The following KDM6A variants were observed in gnomAD, a reference collection of about 807,000 sequenced individuals.
The protein encoded by KDM6A is lysine demethylase 6A.
KDM6A carries 11 observed loss-of-function variants against 117.6 expected under a neutral mutation model. The ratio of observed to expected loss-of-function variants is 0.09; its 90% CI spans 0.06 to 0.15. The LOEUF is 0.15. KDM6A is among the 10% of genes least tolerant of loss of function. The probability of loss-of-function intolerance (pLI) is 1.00; values close to 1 mark genes in which losing one functional copy is unlikely to be tolerated. For missense variants in KDM6A, 799 were observed against 1,077.3 expected, an observed-to-expected ratio of 0.74 and a Z score of 3.62; for synonymous variants, 384 against 396.1, an observed-to-expected ratio of 0.97 and a Z score of 0.36.
intron 20 of KDM6A, 107 bp downstream of exon 20, chrX:45,078,612 TTC>T: frequency 1.5e-6 from 1 of 657,522 alleles, no homozygotes; most frequent in Non-Finnish European, 2.3e-6. Context: ...TTCTTTTTTT[TTC>T]TTTTTTTGTA....
rs751418552 is a variant in KDM6A, at chrX:44,983,321, T to A, written c.384+8606T>A. Among the ~76,000 whole-genome samples the A allele has an allele frequency of 2.7e-5, 3 of 112,058 alleles. No individual in the cohort carries two copies. In the South Asian group the frequency reaches 1.1e-3, roughly 42 times the overall value. On this transcript the variant is annotated intron_variant, in intron 4 of 29. Coordinates refer to ENST00000611820, the MANE Select transcript of KDM6A (RefSeq NM_001291415.2). ...GACTTTCCGGTGGCTTTTTCAGTTA[T>A]ACAGTTTAGGCTAGTCTGGCTTTCA... is the stretch of plus-strand genomic sequence containing the variant.
intron 6 of KDM6A, among the ~76,000 whole-genome samples, chrX:45,028,621 C>T (rs1181609007): frequency 8.9e-6 from 1 of 112,133 alleles, no homozygotes; most frequent in Non-Finnish European, 1.9e-5. Context: ...TTGTTTTCTA[C>T]TTTTTCTCAC....
At chrX:44,923,346 A>G (rs1358520851) in intron 2 of KDM6A, among the ~76,000 whole-genome samples, 1 of 108,708 alleles carries the variant, frequency 9.2e-6, no homozygotes, top group Non-Finnish European at 1.9e-5. Flanking sequence ...TGTGTCCTCT[A>G]TACTTTCCAC....
chrX:44,920,867 TTTTCTTTTTC>T (rs2035884237), intron 2 of KDM6A, among the ~76,000 whole-genome samples: 2 of 107,491 alleles, frequency 1.9e-5, no homozygotes, highest in African/African-American at 6.8e-5. Flanking sequence ...CTTTTTTTTC[TTTTCTTTTTC>T]TTTTTTTTTT....
At chrX:44,972,599 G>C (rs2039410616) in intron 3 of KDM6A, among the ~76,000 whole-genome samples, 1 of 111,451 alleles carries the variant, frequency 9.0e-6, no homozygotes, top group Admixed American at 9.6e-5. Flanking sequence ...GTTTACAAGA[G>C]CCACTTTTGG....
chrX:45,003,895 CCTTCCACCCCCT>C (rs1371950992), intron 4 of KDM6A, among the ~76,000 whole-genome samples: 2 of 95,538 alleles, frequency 2.1e-5, no homozygotes, highest in Admixed American at 1.2e-4. Flanking sequence ...CCCTTCTCCC[CCTTCCACCCCCT>C]CTTCCACCCC....
In KDM6A at chrX:45,060,826, T is replaced by C. The variant is rs2044258678; in HGVS notation, c.1485+62T>C. 1.0e-5 allele frequency: 8 copies of C among 765,371 alleles called. No homozygotes were observed. The Admixed American group carries it at 2.9e-4, about 28-fold the overall frequency. The allele number at this position is 765,371 out of a possible 1,213,427, so 63.1% of individuals were successfully genotyped here. A position where few individuals can be genotyped will look rare whatever the true frequency, so the allele number is the denominator to read the frequency against. Reference sequence around the variant, plus strand: ...AAAGAAGTTTCAGCTGCCCTGAAATTGTGCAGTTTGAACATTTCCTGTCCT... The same window carrying C: ...AAAGAAGTTTCAGCTGCCCTGAAATCGTGCAGTTTGAACATTTCCTGTCCT... On this transcript the variant is annotated intron_variant, in intron 14 of 29. Coordinates refer to ENST00000611820, the MANE Select transcript of KDM6A (RefSeq NM_001291415.2).
intron 25 of KDM6A, among the ~76,000 whole-genome samples, chrX:45,086,860 A>G: frequency 8.9e-6 from 1 of 112,461 alleles, no homozygotes; most frequent in East Asian, 2.8e-4. Context: ...GTATAGGATG[A>G]AAATATACAT....
chrX:45,027,336 AACACACACAC>A (rs200245833), intron 6 of KDM6A, among the ~76,000 whole-genome samples: 61 of 98,150 alleles, frequency 6.2e-4, no homozygotes, highest in African/African-American at 1.8e-3. Context: ...CATAGTGTGA[AACACACACAC>A]ACACACACAC....
intron 4 of KDM6A, among the ~76,000 whole-genome samples, chrX:44,994,900 T>G (rs1335825202): frequency 2.7e-5 from 3 of 111,456 alleles, no homozygotes; most frequent in Non-Finnish European, 5.7e-5. Context: ...TTGGAATGAG[T>G]CAGGGTGGAG....
At chrX:44,934,534 G>A (rs2036854503) in intron 2 of KDM6A, among the ~76,000 whole-genome samples, 1 of 111,494 alleles carries the variant, frequency 9.0e-6, no homozygotes, top group African/African-American at 3.3e-5. Context: ...GGAAACTTTC[G>A]TTCCTCCGGT....
chrX:44,958,604 CTT>C (rs34006049), intron 2 of KDM6A, among the ~76,000 whole-genome samples: 169 of 56,426 alleles, frequency 3.0e-3, no homozygotes, highest in African/African-American at 0.017. Context: ...CTATATAGAC[CTT>C]TTTTTTTTTT....
intron 2 of KDM6A, among the ~76,000 whole-genome samples, chrX:44,885,417 T>A (rs2032765725): frequency 9.0e-6 from 1 of 110,894 alleles, no homozygotes; most frequent in South Asian, 3.8e-4. Context: ...TGAAATACCT[T>A]CATGCAATTT....
At chrX:44,909,153 G>C (rs2034921231) in intron 2 of KDM6A, among the ~76,000 whole-genome samples, 1 of 111,716 alleles carries the variant, frequency 9.0e-6, no homozygotes. Context: ...TATCATCATA[G>C]ATTAATTTTG....
chrX:44,983,981 G>A (rs1464128315), intron 4 of KDM6A, among the ~76,000 whole-genome samples: 2 of 110,192 alleles, frequency 1.8e-5, no homozygotes, highest in Non-Finnish European at 3.8e-5. Flanking sequence ...CTGAGGAATC[G>A]CCACACTGAC....
chrX:44,936,074 A>G (rs909317751), intron 2 of KDM6A, among the ~76,000 whole-genome samples: 13 of 112,330 alleles, frequency 1.2e-4, no homozygotes, highest in Non-Finnish European at 3.8e-5. Flanking sequence ...TGTAAAGGCT[A>G]AAAGTTTGAA....
At chrX:44,984,800 T>G (rs912978490) in intron 4 of KDM6A, among the ~76,000 whole-genome samples, 51 of 111,813 alleles carry the variant, frequency 4.6e-4, no homozygotes, top group Non-Finnish European at 8.6e-4. Flanking sequence ...TACCATGCTG[T>G]TTTGGTTACT....
rs770879318 is a variant in KDM6A, at chrX:44,983,100, A to T, written c.384+8385A>T. Among the ~76,000 whole-genome samples, 9 of 112,108 alleles carry T rather than the reference A, an allele frequency of 8.0e-5. No homozygotes were observed. The East Asian group carries it at 2.5e-3, about 31-fold the overall frequency. On this transcript the variant is annotated intron_variant, in intron 4 of 29. Coordinates refer to ENST00000611820, the MANE Select transcript of KDM6A (RefSeq NM_001291415.2). Reference sequence around the variant, plus strand: ...AGTGAGCTCTTTTAAAGAAAAGTTAAAAAGCAGTATATTTTGGAATAAGGA... The same window carrying T: ...AGTGAGCTCTTTTAAAGAAAAGTTATAAAGCAGTATATTTTGGAATAAGGA...
chrX:45,061,375 C>G lies in KDM6A; in HGVS notation c.1537C>G (p.Gln513Glu). 2 of 1,178,296 alleles carry G rather than the reference C, an allele frequency of 1.7e-6. No individual in the cohort carries two copies. Among genetic ancestry groups the G allele is most frequent in the Non-Finnish European group, 2.3e-6 (2 of 869,480 alleles). ...ACATGCTGTGTCACATCCTCCAGTA[C>G]AGCAACAAGCTCATTCATGGTGTTT... ...GGHAVSHPPV[Q>E]QQAHSWCLTP... is the part of the protein sequence containing the mutation. Residue 513 changes from glutamine to glutamate, a missense_variant, in exon 15 of 30, where the codon CAG becomes GAG. Coordinates refer to ENST00000611820, the MANE Select transcript of KDM6A (RefSeq NM_001291415.2).
Sources: gnomAD v4.1 joint callset for allele counts (sites outside exome capture counted in the v4.1 genomes callset) on GRCh38, gnomAD v4.1.1 for gene constraint, MANE v1.5 for transcripts, NCBI Gene and HGNC (gene_info 2026-07-23, HGNC 2026-07-21) for gene names.